TBC1D1: variants seen among roughly 807,000 people sequenced by gnomAD.
TBC1D1 encodes the protein TBC1 domain family member 1.
TBC1D1 carries 89 observed loss-of-function variants against 125.6 expected under a neutral mutation model. The observed-to-expected ratio is 0.71, with a 90% CI of 0.60 to 0.85. The LOEUF is 0.85. Ranked by LOEUF, TBC1D1 falls within the 40% of genes least tolerant of loss-of-function variation. The probability of loss-of-function intolerance (pLI) is 0.00; values close to 1 mark genes in which losing one functional copy is unlikely to be tolerated. For synonymous variants in TBC1D1, 565 were observed against 564.1 expected, an observed-to-expected ratio of 1.00 and a Z score of -0.02; for missense variants, 1,377 against 1,469.2, an observed-to-expected ratio of 0.94 and a Z score of 1.03.
chr4:38,058,754 A>G (rs75529642), intron 12 of TBC1D1, among the ~76,000 whole-genome samples: 2,704 of 152,288 alleles, frequency 0.018, 31 homozygotes, highest in South Asian at 0.053. Flanking sequence ...CACCAACAGT[A>G]ATACAAAAAC....
intron 15 of TBC1D1, 47 bp downstream of exon 17, chr4:38,103,204 C>A: frequency 6.4e-7 from 1 of 1,563,112 alleles, no homozygotes; most frequent in Admixed American, 2.0e-5. Context: ...GTTTCACTCA[C>A]ATGAAAAATC....
chr4:38,125,280 C>T (rs544404605), intron 18 of TBC1D1, 149 bp downstream of exon 20: 59 of 699,920 alleles, frequency 8.4e-5, no homozygotes, highest in East Asian at 4.1e-4. Flanking sequence ...ATATCACAAA[C>T]GTGTGGAATG....
chr4:37,940,578 G>A (rs1725351878), intron 2 of TBC1D1, among the ~76,000 whole-genome samples: 2 of 152,210 alleles, frequency 1.3e-5, no homozygotes, highest in South Asian at 2.1e-4. Context: ...AGAGTGGTGA[G>A]AGAGGGCATC....
intron 11 of TBC1D1, 134 bp downstream of exon 12, chr4:38,052,194 T>TGTGCGCGC: frequency 3.4e-6 from 2 of 580,888 alleles, no homozygotes; most frequent in Non-Finnish European, 5.5e-6. Context: ...TGTGTGTGTG[T>TGTGCGCGC]GCGCGCGCGT....
rs528041274 is a variant in TBC1D1 at position 38,049,833 on chromosome 4, G to T, written c.1845G>T (p.Pro615=). ...CTCCACAACCTGCCCGGGGGTCCCC[G>T]GGGGTTTCGCAAAGGAAACTTATGA... The change falls in exon 11 of 20, where the codon CCG becomes CCT. Residue 615 remains proline, a synonymous_variant. Coordinates refer to ENST00000261439, the MANE Select transcript of TBC1D1 (RefSeq NM_015173.4). 6.2e-7 allele frequency: 1 copy of T among 1,614,108 alleles called. No homozygotes were observed. The highest frequency in any genetic ancestry group is 8.5e-7 in the Non-Finnish European group (1 of 1,180,006).
At chr4:38,044,109 G>C (rs750761179) in intron 8 of TBC1D1, among the ~76,000 whole-genome samples, 3 of 152,234 alleles carry the variant, frequency 2.0e-5, no homozygotes, top group Non-Finnish European at 4.4e-5. Context: ...TGCAGAGTCT[G>C]AGCAATAAAC....
In TBC1D1 at chr4:38,115,768, G is replaced by T; in HGVS notation, c.2616G>T (p.Ser872=). The change falls in exon 16 of 20, where the codon TCG becomes TCT. Residue 872 remains serine, a synonymous_variant. Transcript: ENST00000261439. ...CCCAGCTTGGAGCAGGACAGCTATC[G>T]CTTTACAACATTTTGAAGGCCTACT... is the stretch of plus-strand genomic sequence containing the variant. 6.2e-7 allele frequency: 1 copy of T among 1,614,118 alleles called. No individual in the cohort carries two copies. The highest frequency in any genetic ancestry group is 8.5e-7 in the Non-Finnish European group (1 of 1,180,002).
chr4:37,986,279 A>T (rs1300059674), intron 2 of TBC1D1, among the ~76,000 whole-genome samples: 1 of 152,238 alleles, frequency 6.6e-6, no homozygotes, highest in Non-Finnish European at 1.5e-5. Flanking sequence ...ACAAGATCAC[A>T]CAGCTAGTTT....
At chr4:37,966,027 G>A (rs536046612) in intron 2 of TBC1D1, among the ~76,000 whole-genome samples, 1 of 152,298 alleles carries the variant, frequency 6.6e-6, no homozygotes, top group Non-Finnish European at 1.5e-5. Context: ...GATTACAGGT[G>A]TGAGCCATCG....
intron 2 of TBC1D1, among the ~76,000 whole-genome samples, chr4:37,981,692 G>A (rs1232609260): frequency 6.6e-6 from 1 of 152,192 alleles, no homozygotes; most frequent in South Asian, 2.1e-4. Context: ...TGGGTGCACA[G>A]CACTGAGCTT....
chr4:37,934,597 A>T (rs1577931384), intron 2 of TBC1D1, among the ~76,000 whole-genome samples: 1 of 152,162 alleles, frequency 6.6e-6, no homozygotes, highest in Admixed American at 6.5e-5. Flanking sequence ...AGTGGGCAGA[A>T]AAAGGAAAGA....
chr4:38,049,318 C>G (rs1750042434), intron 10 of TBC1D1, among the ~76,000 whole-genome samples: 1 of 152,172 alleles, frequency 6.6e-6, no homozygotes, highest in African/African-American at 2.4e-5. Context: ...GTCCTGTTTT[C>G]TAGAGAGAGG....
At chr4:37,923,069 C>G (rs1449386447) in intron 2 of TBC1D1, among the ~76,000 whole-genome samples, 1 of 152,104 alleles carries the variant, frequency 6.6e-6, no homozygotes, top group South Asian at 2.1e-4. Context: ...AACCCATCAT[C>G]TACATTAGGT....
At chr4:37,936,259 C>A (rs1023918863) in intron 2 of TBC1D1, among the ~76,000 whole-genome samples, 2 of 152,112 alleles carry the variant, frequency 1.3e-5, no homozygotes, top group African/African-American at 4.8e-5. Context: ...TTAAGAACAA[C>A]AATAATAAAA....
intron 2 of TBC1D1, among the ~76,000 whole-genome samples, chr4:37,915,668 T>G (rs976915336): frequency 6.6e-6 from 1 of 152,206 alleles, no homozygotes; most frequent in Non-Finnish European, 1.5e-5. Context: ...ACCAGATATC[T>G]GGACATCCCA....
chr4:37,891,439 C>A (rs1366918804), intron 1 of TBC1D1, 91 bp downstream of exon 1: 1 of 152,150 alleles, frequency 6.6e-6, no homozygotes, highest in African/African-American at 2.4e-5. Context: ...GCCCCTGCCC[C>A]GCCTGGCCGC....
intron 2 of TBC1D1, among the ~76,000 whole-genome samples, chr4:37,966,766 C>T (rs1424339048): frequency 6.6e-6 from 1 of 152,172 alleles, no homozygotes; most frequent in Non-Finnish European, 1.5e-5. Context: ...CTCCTCCAGC[C>T]CCCTACCCCC....
At chr4:38,012,395 C>T (rs987295842) in intron 2 of TBC1D1, among the ~76,000 whole-genome samples, 2 of 152,182 alleles carry the variant, frequency 1.3e-5, no homozygotes, top group African/African-American at 4.8e-5. Flanking sequence ...ATACTCCTGC[C>T]TCAGGAGTAG....
chr4:38,130,969 A>G (rs1010157364), intron 18 of TBC1D1, among the ~76,000 whole-genome samples: 2 of 152,208 alleles, frequency 1.3e-5, no homozygotes, highest in Non-Finnish European at 2.9e-5. Flanking sequence ...CCAAGTAATT[A>G]GCCCAAGGGC....
Sources: allele counts gnomAD v4.1 joint callset (sites outside exome capture counted in the v4.1 genomes callset), GRCh38; gene constraint gnomAD v4.1.1; transcripts MANE v1.5; gene names NCBI Gene and HGNC (gene_info 2026-07-23, HGNC 2026-07-21).